TAMM41: variants seen among roughly 807,000 people sequenced by gnomAD.
TAMM41 encodes TAM41 mitochondrial translocator assembly and maintenance homolog.
TAMM41 carries 36 observed loss-of-function variants against 44.1 expected under a neutral mutation model. That is an observed-to-expected ratio of 0.82 (90% confidence interval 0.63 to 1.08). The LOEUF (loss-of-function observed/expected upper bound fraction) is 1.08, where lower values mean the gene tolerates loss of function less well. TAMM41 is among the 50% of genes least tolerant of loss of function. The pLI, the probability that TAMM41 is intolerant of heterozygous loss-of-function variation, is 0.00. For synonymous variants in TAMM41, 164 were observed against 153.1 expected, an observed-to-expected ratio of 1.07 and a Z score of -0.53; for missense variants, 417 against 404.3, an observed-to-expected ratio of 1.03 and a Z score of -0.27.
chr3:11,766,190 G>A, the TAMM41 span, among the ~76,000 whole-genome samples: 2 of 151,160 alleles, frequency 1.3e-5, no homozygotes, highest in African/African-American at 2.4e-5. Context: ...TTTGAGACAG[G>A]GTCTAACTAT....
intron 5 of TAMM41, among the ~76,000 whole-genome samples, chr3:11,812,487 A>G (rs2078118981): frequency 6.6e-6 from 1 of 152,086 alleles, no homozygotes; most frequent in South Asian, 2.1e-4. Flanking sequence ...AAGAGAAGTG[A>G]CCTTGCTTAT....
intron 4 of TAMM41, among the ~76,000 whole-genome samples, chr3:11,828,516 G>A (rs191638542): frequency 2.0e-5 from 3 of 152,244 alleles, no homozygotes; most frequent in East Asian, 1.9e-4. Context: ...AAAGGCTTCC[G>A]TTCCATCATT....
At chr3:11,774,870 A>ATT in the TAMM41 span, among the ~76,000 whole-genome samples, 5,231 of 139,246 alleles carry the variant, frequency 0.038, 367 homozygotes, top group African/African-American at 0.12. Context: ...CATTGAAAGC[A>ATT]TTTTTTTTTT....
the TAMM41 span, among the ~76,000 whole-genome samples, chr3:11,744,844 C>A: frequency 4.0e-5 from 6 of 151,320 alleles, no homozygotes; most frequent in Non-Finnish European, 7.4e-5. Flanking sequence ...CTGAGCAACA[C>A]TGCAAGACCT....
At chr3:11,745,441 A>G in the TAMM41 span, among the ~76,000 whole-genome samples, 2 of 152,252 alleles carry the variant, frequency 1.3e-5, no homozygotes, top group East Asian at 1.9e-4. Context: ...GCGCATTGAT[A>G]AATGAATGGA....
chr3:11,742,564 T>C, the TAMM41 span, among the ~76,000 whole-genome samples: 1 of 149,774 alleles, frequency 6.7e-6, no homozygotes, highest in African/African-American at 2.5e-5. Flanking sequence ...TGTATAAGCT[T>C]TTATGTGAAC....
chr3:11,821,746 G>A (rs544043915), intron 4 of TAMM41, among the ~76,000 whole-genome samples: 2 of 152,266 alleles, frequency 1.3e-5, no homozygotes, highest in Non-Finnish European at 2.9e-5. Context: ...CCCTTTAAAC[G>A]AATTGCAAGA....
At chr3:11,834,843 C>T (rs62248593) in intron 3 of TAMM41, among the ~76,000 whole-genome samples, 152,254 of 152,258 alleles carry the variant, frequency 1, 76,125 homozygotes, top group Middle Eastern at 1. Flanking sequence ...CGCACCACCT[C>T]GCCTGGCTAA....
chr3:11,743,494 G>C, the TAMM41 span, among the ~76,000 whole-genome samples: 1 of 151,624 alleles, frequency 6.6e-6, no homozygotes, highest in Non-Finnish European at 1.5e-5. Context: ...CCACCATGCC[G>C]GGTCAATTTT....
chr3:11,783,824 A>G, the TAMM41 span, among the ~76,000 whole-genome samples: 1 of 152,218 alleles, frequency 6.6e-6, no homozygotes, highest in Non-Finnish European at 1.5e-5. Flanking sequence ...TCCTGGTTCT[A>G]CCACTTAACT....
the TAMM41 span, among the ~76,000 whole-genome samples, chr3:11,757,226 A>G: frequency 6.6e-6 from 1 of 152,204 alleles, no homozygotes; most frequent in Non-Finnish European, 1.5e-5. Flanking sequence ...CCATGTTCAC[A>G]TGAGAGAGAA....
the TAMM41 span, among the ~76,000 whole-genome samples, chr3:11,740,350 T>C: frequency 6.6e-6 from 1 of 152,112 alleles, no homozygotes; most frequent in East Asian, 1.9e-4. Flanking sequence ...TAGGTGTTTA[T>C]AACAGATGAT....
chr3:11,725,169 CTTG>C, the TAMM41 span, among the ~76,000 whole-genome samples: 4 of 130,492 alleles, frequency 3.1e-5, no homozygotes, highest in South Asian at 2.8e-4. Context: ...CTCCTCCCTC[CTTG>C]TTCTCTTCCC....
At chr3:11,723,491 G>T in the TAMM41 span, among the ~76,000 whole-genome samples, 6 of 151,610 alleles carry the variant, frequency 4.0e-5, no homozygotes, top group Non-Finnish European at 7.4e-5. Context: ...TGACATGGTA[G>T]GATCACCTGA....
the TAMM41 span, among the ~76,000 whole-genome samples, chr3:11,776,039 A>C: frequency 6.9e-6 from 1 of 145,034 alleles, no homozygotes; most frequent in African/African-American, 2.6e-5. Context: ...TTTGAGATGG[A>C]GTCTCGCTCT....
rs987294625 is a variant in TAMM41, at chr3:11,846,807, G to A, written c.-171C>T. ...AAGCACACGCAAGGATTGGGGCGTT[G>A]GGCCACGAAGAGCAGCGGCGAGAAG... is the stretch of plus-strand genomic sequence containing the variant. On this transcript the variant is annotated 5_prime_UTR_variant, in exon 1 of 8. Coordinates refer to ENST00000455809, the MANE Select transcript of TAMM41 (RefSeq NM_001284401.2). The A allele has an allele frequency of 2.5e-6, 2 of 812,970 alleles. No homozygotes were observed. Among genetic ancestry groups the A allele is most frequent in the Non-Finnish European group, 3.8e-6 (2 of 526,604 alleles). The allele number at this position is 812,970 out of a possible 1,614,324, so 50.4% of individuals were successfully genotyped here.
intron 2 of TAMM41, among the ~76,000 whole-genome samples, chr3:11,840,432 A>T (rs925397376): frequency 6.6e-6 from 1 of 151,868 alleles, no homozygotes; most frequent in Non-Finnish European, 1.5e-5. Context: ...ACAGGATTTC[A>T]TCCTGTTGGC....
chr3:11,726,401 GC>G, the TAMM41 span, among the ~76,000 whole-genome samples: 1 of 152,242 alleles, frequency 6.6e-6, no homozygotes, highest in African/African-American at 2.4e-5. Context: ...TTGAGCACCT[GC>G]TCTGCCTGGA....
At chr3:11,786,832 G>A (rs2077420722), downstream of TAMM41, among the ~76,000 whole-genome samples, 8 of 151,622 alleles carry the variant, frequency 5.3e-5, no homozygotes, top group Admixed American at 4.6e-4. Context: ...GGGCTCAAGC[G>A]ATTTTCCCAC....
Sources: gnomAD v4.1 joint callset for allele counts (sites outside exome capture counted in the v4.1 genomes callset) on GRCh38, gnomAD v4.1.1 for gene constraint, MANE v1.5 for transcripts, NCBI Gene and HGNC (gene_info 2026-07-23, HGNC 2026-07-21) for gene names.